FBXL17: variants seen among roughly 807,000 people sequenced by gnomAD.
The protein encoded by FBXL17 is F-box/LRR-repeat protein 17.
FBXL17 carries 22 observed loss-of-function variants against 66.2 expected under a neutral mutation model. That is an observed-to-expected ratio of 0.33 (90% CI 0.24 to 0.47). The LOEUF (loss-of-function observed/expected upper bound fraction) is 0.47, where lower values mean the gene tolerates loss of function less well. Ranked by LOEUF, FBXL17 falls within the 20% of genes least tolerant of loss-of-function variation. The probability of loss-of-function intolerance (pLI) is 1.00; values close to 1 mark genes in which losing one functional copy is unlikely to be tolerated. For missense variants in FBXL17, 878 were observed against 948.2 expected, an observed-to-expected ratio of 0.93 and a Z score of 0.97; for synonymous variants, 474 against 400.5, an observed-to-expected ratio of 1.18 and a Z score of -2.19.
At chr5:107,942,213 C>T (rs912762691) in intron 7 of FBXL17, among the ~76,000 whole-genome samples, 1 of 152,144 alleles carries the variant, frequency 6.6e-6, no homozygotes, top group African/African-American at 2.4e-5. Flanking sequence ...TTCCCCACCA[C>T]CATGGTTCCT....
At position 107,905,640 on chromosome 5, in the gene FBXL17, T is replaced by C. The variant is rs147694695; in HGVS notation, c.1823-24461A>G. Among the ~76,000 whole-genome samples, 644 of 152,306 alleles carry C rather than the reference T, an allele frequency of 4.2e-3. 23 individuals carry two copies. Among genetic ancestry groups the C allele is most frequent in the Admixed American group, 0.034 (516 of 15,284 alleles). On this transcript the variant is annotated intron_variant, in intron 7 of 8. Transcript: ENST00000542267. The stretch of plus-strand genomic sequence containing the variant: ...AACAACAGGTCATTCTGAGCATACA[T>C]ATGATCACAATGTATGTGCTATGTG...
chr5:107,929,946 T>A (rs1334818094), intron 7 of FBXL17, among the ~76,000 whole-genome samples: 1 of 152,180 alleles, frequency 6.6e-6, no homozygotes, highest in Non-Finnish European at 1.5e-5. Context: ...TCCTAGCAAC[T>A]TCAAGTAAAT....
At position 108,035,815 on chromosome 5, in the gene FBXL17, T is replaced by A. The variant is rs1398622644; in HGVS notation, c.1746-14814A>T. Reference sequence around the variant, plus strand: ...CCAAACACCTAAAGCACTCTACCCTTGAAATCTGAGATATTATTGCCTGAT... The same window carrying A: ...CCAAACACCTAAAGCACTCTACCCTAGAAATCTGAGATATTATTGCCTGAT... On this transcript the variant is annotated intron_variant, in intron 6 of 8. Transcript: ENST00000542267. 3.3e-5 allele frequency among the ~76,000 whole-genome samples: 5 copies of A among 152,246 alleles called. No individual in the cohort carries two copies. The East Asian group carries it at 7.7e-4, about 23-fold the overall frequency.
rs1751278375 is a variant in FBXL17, at chr5:107,946,258, TATATATATATATATATA to T, written c.1823-65096_1823-65080del. 2.4e-3 allele frequency among the ~76,000 whole-genome samples: 52 copies of T among 21,992 alleles called. 2 individuals are homozygous for T. The highest frequency in any genetic ancestry group is 9.8e-3 in the East Asian group (3 of 306). The allele number at this position is 21,992 out of a possible 152,430, so 14.4% of individuals were successfully genotyped here. ...TATTACTTTTATCAATCTCATTTTA[TATATATATATATATATA>T]TATATATATATATATATATATATAT... On this transcript the variant is annotated intron_variant, in intron 7 of 8. Transcript: ENST00000542267.
chr5:108,059,810 C>T (rs1747850343), intron 6 of FBXL17, among the ~76,000 whole-genome samples: 1 of 152,062 alleles, frequency 6.6e-6, no homozygotes, highest in African/African-American at 2.4e-5. Flanking sequence ...CAGGCATTTA[C>T]AACACTCGGG....
chr5:108,060,174 A>G lies in FBXL17; in HGVS notation c.1746-39173T>C, dbSNP rs573073060. ...AAATATCTCTATTCCACATATGTGT[A>G]CATATATATATAGATATAGATATAT... On this transcript the variant is annotated intron_variant, in intron 6 of 8. Coordinates refer to ENST00000542267, the MANE Select transcript of FBXL17 (RefSeq NM_001163315.3). 3.4e-3 allele frequency among the ~76,000 whole-genome samples: 366 copies of G among 106,106 alleles called. 2 individuals carry two copies. The highest frequency in any genetic ancestry group is 0.011 in the African/African-American group (351 of 33,394). The allele number at this position is 106,106 out of a possible 152,430, so 69.6% of individuals were successfully genotyped here.
intron 6 of FBXL17, among the ~76,000 whole-genome samples, chr5:108,117,895 T>C (rs1017245924): frequency 6.6e-6 from 1 of 152,166 alleles, no homozygotes; most frequent in African/African-American, 2.4e-5. Flanking sequence ...AAAGCACAGT[T>C]TGGGAAGCCC....
intron 6 of FBXL17, among the ~76,000 whole-genome samples, chr5:108,098,973 A>G (rs1749498133): frequency 6.6e-6 from 1 of 152,162 alleles, no homozygotes; most frequent in African/African-American, 2.4e-5. Flanking sequence ...CTGAATTGCT[A>G]TATTCAAGAA....
chr5:108,076,760 A>T (rs545632182), intron 6 of FBXL17, among the ~76,000 whole-genome samples: 5 of 152,290 alleles, frequency 3.3e-5, no homozygotes, highest in African/African-American at 1.2e-4. Flanking sequence ...TGAGAGTCTG[A>T]CACCTTTCAA....
chr5:107,889,534 T>C (rs956624344), intron 7 of FBXL17, among the ~76,000 whole-genome samples: 4 of 152,214 alleles, frequency 2.6e-5, no homozygotes, highest in African/African-American at 4.8e-5. Context: ...TATATAACTC[T>C]GCTTACTGAA....
At chr5:108,092,704 C>T (rs1323772997) in intron 6 of FBXL17, among the ~76,000 whole-genome samples, 1 of 152,130 alleles carries the variant, frequency 6.6e-6, no homozygotes, top group Non-Finnish European at 1.5e-5. Context: ...TCATTAAATG[C>T]TTTCCCCAAA....
chr5:108,029,734 A>AT (rs964678165), intron 6 of FBXL17, among the ~76,000 whole-genome samples: 2 of 152,118 alleles, frequency 1.3e-5, no homozygotes. Flanking sequence ...TATGTAGTTT[A>AT]TTTTTTTAAT....
At chr5:108,213,291 G>T (rs899176771) in intron 5 of FBXL17, among the ~76,000 whole-genome samples, 1 of 152,276 alleles carries the variant, frequency 6.6e-6, no homozygotes, top group South Asian at 2.1e-4. Flanking sequence ...CCCCTTTCCA[G>T]GGGAGTGAAT....
At chr5:108,171,818 G>GA (rs1251121211) in intron 6 of FBXL17, among the ~76,000 whole-genome samples, 1 of 110,368 alleles carries the variant, frequency 9.1e-6, no homozygotes, top group Non-Finnish European at 2.0e-5. Flanking sequence ...AGTGTTGTGG[G>GA]AGGACTTGGT....
chr5:108,335,779 CAT>C (rs1760351312), intron 4 of FBXL17, among the ~76,000 whole-genome samples: 1 of 151,942 alleles, frequency 6.6e-6, no homozygotes, highest in Non-Finnish European at 1.5e-5. Context: ...AACATGATAA[CAT>C]AAAGTATATT....
intron 7 of FBXL17, among the ~76,000 whole-genome samples, chr5:107,953,073 G>C (rs1000047137): frequency 1.4e-5 from 2 of 142,308 alleles, no homozygotes; most frequent in African/African-American, 5.4e-5. Flanking sequence ...AAGGTACAAG[G>C]AATTTCAAGA....
At chr5:108,252,120 A>G (rs1361181498) in intron 4 of FBXL17, among the ~76,000 whole-genome samples, 1 of 152,162 alleles carries the variant, frequency 6.6e-6, no homozygotes, top group African/African-American at 2.4e-5. Flanking sequence ...GTTGGAGACA[A>G]TATAAAGAAA....
At chr5:107,898,475 T>TC (rs1258978156) in intron 7 of FBXL17, among the ~76,000 whole-genome samples, 2 of 152,158 alleles carry the variant, frequency 1.3e-5, no homozygotes, top group Admixed American at 6.5e-5. Flanking sequence ...AAATATATTT[T>TC]CTCTTCCTTA....
chr5:108,293,105 A>C (rs559878017), intron 4 of FBXL17, among the ~76,000 whole-genome samples: 125 of 151,724 alleles, frequency 8.2e-4, no homozygotes, highest in Non-Finnish European at 6.9e-4. Context: ...AAACAAAAAA[A>C]AAAAAACAAA....
Sources: gnomAD v4.1 joint callset for allele counts (sites outside exome capture counted in the v4.1 genomes callset) on GRCh38, gnomAD v4.1.1 for gene constraint, MANE v1.5 for transcripts, NCBI Gene and HGNC (gene_info 2026-07-23, HGNC 2026-07-21) for gene names.